CCDC3: variants seen among roughly 807,000 people sequenced by gnomAD.
The protein encoded by CCDC3 is coiled-coil domain-containing protein 3.
A neutral mutation model predicts 21.4 loss-of-function variants in CCDC3; 24 were observed. The ratio of observed to expected loss-of-function variants is 1.12; its 90% CI spans 0.81 to 1.58. CCDC3 has a LOEUF of 1.58. Among genes scored for constraint, CCDC3 ranks in the 40% most tolerant of loss-of-function variants. The pLI, the probability that CCDC3 is intolerant of heterozygous loss-of-function variation, is 0.00. For missense variants in CCDC3, 425 were observed against 360.9 expected, an observed-to-expected ratio of 1.18 and a Z score of -1.44; for synonymous variants, 186 against 166.0, an observed-to-expected ratio of 1.12 and a Z score of -0.93.
chr10:13,090,973 C>A lies in CCDC3; in HGVS notation c.-503+7552G>T, dbSNP rs565834049. 8.9e-4 allele frequency among the ~76,000 whole-genome samples: 135 copies of A among 152,286 alleles called. 1 individual carries two copies. The highest frequency in any genetic ancestry group is 1.7e-3 in the Non-Finnish European group (114 of 68,022). ...TGGCCAAAAGCCTGAGAGCCCCCAGCAAACCACTGCAGTAAGTCCTAGAGT... is the reference window on the plus strand; with the variant it reads ...TGGCCAAAAGCCTGAGAGCCCCCAGAAAACCACTGCAGTAAGTCCTAGAGT... On this transcript the variant is annotated intron_variant, in intron 3 of 6. Transcript: ENST00000378839.
At chr10:13,059,666 C>T (rs978419686) in intron 4 of CCDC3, among the ~76,000 whole-genome samples, 1 of 152,048 alleles carries the variant, frequency 6.6e-6, no homozygotes, top group African/African-American at 2.4e-5. Context: ...TCTGCCATTT[C>T]ACTTCATGGC....
At chr10:12,906,122 C>T (rs553978410) in intron 2 of CCDC3, among the ~76,000 whole-genome samples, 5 of 152,284 alleles carry the variant, frequency 3.3e-5, no homozygotes, top group South Asian at 2.1e-4. Flanking sequence ...CCACGCAGAA[C>T]GGTTTCCTGA....
At position 13,014,706 on chromosome 10, in the gene CCDC3, G is replaced by A. The variant is rs1033548546; in HGVS notation, c.-1-16194C>T. On this transcript the variant is annotated intron_variant, in intron 5 of 6. Coordinates refer to the CCDC3 transcript ENST00000378839. ...GATGAGTATCCTATAGCGGTTTGTTGGTACTGGGCTTGCAACTTTTTTTAA... is the reference window on the plus strand; with the variant it reads ...GATGAGTATCCTATAGCGGTTTGTTAGTACTGGGCTTGCAACTTTTTTTAA... Among the ~76,000 whole-genome samples the A allele has an allele frequency of 4.6e-5, 7 of 151,874 alleles. 1 individual carries two copies. Among genetic ancestry groups the A allele is most frequent in the African/African-American group, 1.7e-4 (7 of 41,360 alleles).
chr10:12,908,237 TAAA>T (rs1411359405), intron 2 of CCDC3, among the ~76,000 whole-genome samples: 2 of 152,212 alleles, frequency 1.3e-5, no homozygotes, highest in African/African-American at 2.4e-5. Context: ...TGGTTCTGGT[TAAA>T]AAAGTTTCAG....
chr10:13,018,101 AAAAT>A (rs1453540013), intron 5 of CCDC3, among the ~76,000 whole-genome samples: 7 of 152,088 alleles, frequency 4.6e-5, no homozygotes, highest in Non-Finnish European at 1.0e-4. Flanking sequence ...ATGAAAAAAA[AAAAT>A]AATAATAAGC....
intron 5 of CCDC3, among the ~76,000 whole-genome samples, chr10:13,010,637 C>G (rs1835972849): frequency 6.6e-6 from 1 of 152,114 alleles, no homozygotes; most frequent in South Asian, 2.1e-4. Flanking sequence ...AAAGCATATC[C>G]CATATAAAGA....
At chr10:13,089,351 T>A (rs1162833797) in intron 3 of CCDC3, among the ~76,000 whole-genome samples, 1 of 152,206 alleles carries the variant, frequency 6.6e-6, no homozygotes, top group Non-Finnish European at 1.5e-5. Context: ...ATGAATCATA[T>A]AAAGAATGCA....
chr10:12,917,180 C>CTTT (rs56054100), intron 2 of CCDC3, among the ~76,000 whole-genome samples: 30 of 58,224 alleles, frequency 5.2e-4, no homozygotes, highest in African/African-American at 2.0e-3. Flanking sequence ...ATTTCTTCTT[C>CTTT]TTTTTTTTTT....
intron 5 of CCDC3, among the ~76,000 whole-genome samples, chr10:13,014,792 T>C (rs1178654506): frequency 6.6e-6 from 1 of 152,250 alleles, no homozygotes; most frequent in African/African-American, 2.4e-5. Context: ...GAAATAGCTA[T>C]GAATTTTTTG....
intron 5 of CCDC3, among the ~76,000 whole-genome samples, chr10:13,033,835 T>C (rs925073585): frequency 3.9e-5 from 6 of 152,236 alleles, no homozygotes; most frequent in African/African-American, 1.4e-4. Flanking sequence ...TAAAAAGTCA[T>C]GAAACAACAG....
intron 2 of CCDC3, among the ~76,000 whole-genome samples, chr10:12,936,866 TTACACCTGTCAG>T (rs1377869390): frequency 3.3e-5 from 5 of 152,196 alleles, no homozygotes; most frequent in Non-Finnish European, 7.3e-5. Context: ...TGAGTTGTGA[TTACACCTGTCAG>T]TAACCACTGC....
intron 4 of CCDC3, among the ~76,000 whole-genome samples, chr10:13,065,094 G>C (rs571962333): frequency 6.2e-4 from 95 of 152,156 alleles, no homozygotes; most frequent in African/African-American, 2.3e-3. Context: ...CATGTAATAG[G>C]ATTGGCAAAA....
At chr10:12,947,575 A>G (rs1834934584) in intron 2 of CCDC3, among the ~76,000 whole-genome samples, 1 of 152,200 alleles carries the variant, frequency 6.6e-6, no homozygotes, top group South Asian at 2.1e-4. Context: ...GCCACCCTAT[A>G]TGGTGTTTTA....
At chr10:12,952,800 C>T (rs1047229629) in intron 2 of CCDC3, among the ~76,000 whole-genome samples, 4 of 152,186 alleles carry the variant, frequency 2.6e-5, no homozygotes, top group African/African-American at 9.7e-5. Flanking sequence ...ACCACATGCC[C>T]TTAACCTCAA....
intron 4 of CCDC3, among the ~76,000 whole-genome samples, chr10:13,070,106 T>C (rs974916508): frequency 9.5e-6 from 1 of 105,454 alleles, no homozygotes; most frequent in Non-Finnish European, 2.1e-5. Context: ...ACTGAGGTAA[T>C]CTTTTGACTT....
chr10:12,953,219 T>C (rs931051678), intron 2 of CCDC3, among the ~76,000 whole-genome samples: 6 of 152,064 alleles, frequency 3.9e-5, no homozygotes, highest in African/African-American at 1.4e-4. Context: ...GCAGGGAAAC[T>C]CCCATTTTTA....
At chr10:13,090,063 A>ACCGTTTCTTTCTTTTTT (rs1564345350) in intron 3 of CCDC3, among the ~76,000 whole-genome samples, 1 of 56,942 alleles carries the variant, frequency 1.8e-5, no homozygotes, top group Non-Finnish European at 3.3e-5. Context: ...ATATATATAT[A>ACCGTTTCTTTCTTTTTT]TATATATATA....
chr10:12,960,168 A>AACACACACACAC (rs10626900), intron 2 of CCDC3, among the ~76,000 whole-genome samples: 2,057 of 148,820 alleles, frequency 0.014, 23 homozygotes, highest in East Asian at 0.056. Context: ...ACACACACAC[A>AACACACACACAC]ACACACACAC....
intron 5 of CCDC3, among the ~76,000 whole-genome samples, chr10:13,045,454 CCT>C (rs552150627): frequency 1.1e-3 from 161 of 152,012 alleles, no homozygotes; most frequent in African/African-American, 3.4e-3. Context: ...AAAGTGAAAC[CCT>C]GTCTCTACTA....
Sources: gnomAD v4.1 joint callset for allele counts (sites outside exome capture counted in the v4.1 genomes callset) on GRCh38, gnomAD v4.1.1 for gene constraint, MANE v1.5 for transcripts, NCBI Gene and HGNC (gene_info 2026-07-23, HGNC 2026-07-21) for gene names.